DLG2: variants seen among roughly 807,000 people sequenced by gnomAD.
The protein encoded by DLG2 is discs large MAGUK scaffold protein 2.
A neutral mutation model predicts 132.5 loss-of-function variants in DLG2; 45 were observed. The ratio of observed to expected loss-of-function variants is 0.34; its 90% CI spans 0.27 to 0.44. The LOEUF is 0.44. Among genes scored for constraint, DLG2 ranks in the 20% least tolerant of loss-of-function variants. The pLI, the probability that DLG2 is intolerant of heterozygous loss-of-function variation, is 1.00. For synonymous variants in DLG2, 424 were observed against 419.6 expected (o/e 1.01, Z -0.13); for missense variants, 1,045 against 1,196.9 (o/e 0.87, Z 1.87).
chr11:84,308,665 G>T lies in DLG2; in HGVS notation c.520-57374C>A, dbSNP rs1045655567. ...CACGGAGTGGGGGAGGCTCAGGCAT[G>T]GTCCCGAGCCCTGCCCCGCGGGGAG... On this transcript the variant is annotated intron_variant, in intron 7 of 27. Coordinates refer to ENST00000376104, the MANE Select transcript of DLG2 (RefSeq NM_001142699.3). Among the ~76,000 whole-genome samples the T allele has an allele frequency of 2.0e-5, 3 of 152,178 alleles. No individual in the cohort carries two copies. The South Asian group carries it at 6.2e-4, about 31-fold the overall frequency.
At chr11:85,388,232 A>C (rs1288475804) in intron 3 of DLG2, among the ~76,000 whole-genome samples, 1 of 152,072 alleles carries the variant, frequency 6.6e-6, no homozygotes, top group East Asian at 1.9e-4. Context: ...AGACAGCCAT[A>C]AGTCCCCTGA....
chr11:85,331,304 A>G (rs982165089), intron 3 of DLG2, among the ~76,000 whole-genome samples: 6 of 152,182 alleles, frequency 3.9e-5, no homozygotes, highest in Admixed American at 3.3e-4. Flanking sequence ...AAAAAGTTCA[A>G]TATATATACC....
At chr11:84,507,615 T>C (rs771742622) in intron 7 of DLG2, among the ~76,000 whole-genome samples, 1 of 152,222 alleles carries the variant, frequency 6.6e-6, no homozygotes, top group African/African-American at 2.4e-5. Context: ...GTTTATCATA[T>C]ATGAACCTTA....
intron 6 of DLG2, among the ~76,000 whole-genome samples, chr11:84,954,164 C>T (rs2051319248): frequency 6.6e-6 from 1 of 152,016 alleles, no homozygotes; most frequent in Non-Finnish European, 1.5e-5. Flanking sequence ...TACTTTAAGC[C>T]TACCCTTACT....
At chr11:85,573,952 CAG>C (rs2077996151) in intron 3 of DLG2, among the ~76,000 whole-genome samples, 2 of 152,028 alleles carry the variant, frequency 1.3e-5, no homozygotes, top group Non-Finnish European at 2.9e-5. Context: ...GAGCTCAAGT[CAG>C]TTAGACTAAA....
At chr11:85,174,172 T>C (rs548913786) in intron 4 of DLG2, among the ~76,000 whole-genome samples, 2 of 152,314 alleles carry the variant, frequency 1.3e-5, no homozygotes, top group African/African-American at 2.4e-5. Flanking sequence ...ATATATATTC[T>C]TCTCATAACC....
At chr11:83,735,043 G>C (rs1415271064) in intron 18 of DLG2, among the ~76,000 whole-genome samples, 1 of 152,044 alleles carries the variant, frequency 6.6e-6, no homozygotes, top group South Asian at 2.1e-4. Context: ...AAACTGTATT[G>C]ACATAAGTGG....
intron 10 of DLG2, among the ~76,000 whole-genome samples, chr11:84,068,898 C>G (rs1471787652): frequency 6.6e-6 from 1 of 152,092 alleles, no homozygotes; most frequent in African/African-American, 2.4e-5. Flanking sequence ...TAAATGATGT[C>G]TAGGAAATCT....
chr11:83,600,137 A>G (rs914684134), intron 19 of DLG2, among the ~76,000 whole-genome samples: 1 of 152,166 alleles, frequency 6.6e-6, no homozygotes, highest in African/African-American at 2.4e-5. Context: ...GTATACGTCT[A>G]TGCCAGTTAA....
intron 10 of DLG2, among the ~76,000 whole-genome samples, chr11:84,092,813 G>A (rs986374276): frequency 5.9e-5 from 9 of 151,964 alleles, no homozygotes; most frequent in South Asian, 4.2e-4. Context: ...TGAGGTGGGC[G>A]GATCACAAGG....
At chr11:83,925,224 A>G (rs1591152493) in intron 15 of DLG2, among the ~76,000 whole-genome samples, 1 of 152,034 alleles carries the variant, frequency 6.6e-6, no homozygotes, top group East Asian at 1.9e-4. Flanking sequence ...ACCGTGCCCA[A>G]ATAAAGCAGA....
intron 6 of DLG2, among the ~76,000 whole-genome samples, chr11:84,849,595 C>T (rs752981450): frequency 2.0e-5 from 3 of 151,998 alleles, no homozygotes; most frequent in Non-Finnish European, 4.4e-5. Context: ...TGAATTATTT[C>T]TCATCATCTC....
At chr11:84,244,515 G>A (rs1253655782) in intron 8 of DLG2, among the ~76,000 whole-genome samples, 3 of 152,192 alleles carry the variant, frequency 2.0e-5, no homozygotes, top group African/African-American at 7.2e-5. Flanking sequence ...GTTAAGAGTA[G>A]GGATTCTGCT....
At chr11:83,581,948 CTTTTTTTTTTTTT>C (rs71849863) in intron 19 of DLG2, among the ~76,000 whole-genome samples, 1 of 52,634 alleles carries the variant, frequency 1.9e-5, no homozygotes, top group Non-Finnish European at 3.1e-5. Context: ...AGTTTGGACT[CTTTTTTTTTTTTT>C]TTTTTTTTTT....
chr11:84,063,018 A>C (rs758113202), intron 10 of DLG2, among the ~76,000 whole-genome samples: 6 of 152,208 alleles, frequency 3.9e-5, no homozygotes, highest in Non-Finnish European at 8.8e-5. Flanking sequence ...TCACAGTAAC[A>C]AATGCAGGCT....
intron 4 of DLG2, among the ~76,000 whole-genome samples, chr11:85,186,730 T>C (rs1233107512): frequency 6.6e-6 from 1 of 152,128 alleles, no homozygotes; most frequent in Non-Finnish European, 1.5e-5. Context: ...CACTTGTGTA[T>C]GCTGAAATCC....
chr11:83,632,600 G>A (rs2063757521), intron 19 of DLG2: 1 of 152,232 alleles, frequency 6.6e-6, no homozygotes, highest in African/African-American at 2.4e-5. Context: ...ATGAAAGACT[G>A]GAAGGCATTT....
intron 7 of DLG2, among the ~76,000 whole-genome samples, chr11:84,338,536 G>A (rs1186158820): frequency 1.3e-5 from 2 of 152,092 alleles, no homozygotes; most frequent in East Asian, 3.9e-4. Flanking sequence ...ATAAAGTGGT[G>A]ATATTAGTCC....
At chr11:84,059,743 G>A (rs1256876532) in intron 10 of DLG2, among the ~76,000 whole-genome samples, 1 of 152,022 alleles carries the variant, frequency 6.6e-6, no homozygotes, top group East Asian at 1.9e-4. Context: ...CTTTGACTGG[G>A]ACTGCTTACA....
Sources: gnomAD v4.1 joint callset for allele counts (sites outside exome capture counted in the v4.1 genomes callset) on GRCh38, gnomAD v4.1.1 for gene constraint, MANE v1.5 for transcripts, NCBI Gene and HGNC (gene_info 2026-07-23, HGNC 2026-07-21) for gene names.